Variants in DYNC1H1 observed in about 807,000 individuals in gnomAD.
DYNC1H1 encodes cytoplasmic dynein 1 heavy chain 1.
DYNC1H1 carries 51 observed loss-of-function variants against 527.1 expected under a neutral mutation model. The ratio of observed to expected loss-of-function variants is 0.10; its 90% confidence interval spans 0.08 to 0.12. The LOEUF (loss-of-function observed/expected upper bound fraction) is 0.12. DYNC1H1 is among the 10% of genes least tolerant of loss of function. DYNC1H1 has a pLI of 1.00. For synonymous variants in DYNC1H1, 2,189 were observed against 2,278.8 expected (o/e 0.96, Z 1.12); for missense variants, 2,771 against 5,971.8 (o/e 0.46, Z 17.66).
chr14:101,988,372 A>C (rs1435554540), intron 9 of DYNC1H1, among the ~76,000 whole-genome samples: 1 of 152,248 alleles, frequency 6.6e-6, no homozygotes, highest in Non-Finnish European at 1.5e-5. Flanking sequence ...GTATGTGTGC[A>C]TAAAGCACAC....
rs1275051800 is a variant in DYNC1H1, at chr14:101,994,759, T to C, written c.3243T>C (p.Ala1081=). 6.2e-7 allele frequency: 1 copy of C among 1,614,160 alleles called. No individual in the cohort carries two copies. The highest frequency in any genetic ancestry group is 1.7e-5 in the Admixed American group (1 of 60,026). ...GAGAAGATCTCAACAAATGGCAGGC[T>C]CTCCTGGTCCAAATAAGGAAGGCCA... The part of the protein sequence containing the change: ...RLGEDLNKWQ[A]LLVQIRKARG... Residue 1081 remains alanine (A), a synonymous_variant, in exon 13 of 78, where the codon GCT becomes GCC. Transcript: ENST00000360184.
chr14:102,028,015 T>A lies in DYNC1H1; in HGVS notation c.9342T>A (p.Asp3114Glu), dbSNP rs2152589319. ...GCAAAGAATTCACAAGTAAGATGGA[T>A]CTGGAGAAGCCAAATTACATCGTGC... Reference protein sequence around the residue: ...QVGKEFTSKMDLEKPNYIVPD... With the variant: ...QVGKEFTSKMELEKPNYIVPD... Residue 3114 changes from aspartate to glutamate, a missense_variant, in exon 48 of 78, where the codon GAT becomes GAA. Asp to Glu is a conservative substitution (Grantham distance 45). Transcript: ENST00000360184. 2 of 1,614,144 alleles carry A rather than the reference T, an allele frequency of 1.2e-6. No individual in the cohort carries two copies. Among genetic ancestry groups the A allele is most frequent in the Non-Finnish European group, 1.7e-6 (2 of 1,180,030 alleles).
intron 12 of DYNC1H1, 95 bp downstream of exon 12, chr14:101,994,419 A>G (rs779180545): frequency 1.8e-5 from 28 of 1,568,536 alleles, no homozygotes; most frequent in Admixed American, 3.4e-5. Context: ...AAAGGTCTTG[A>G]CTGTATGTAT....
chr14:102,041,821 T>C lies in DYNC1H1; in HGVS notation c.12102+87T>C. The C allele has an allele frequency of 6.3e-7, 1 of 1,598,138 alleles. No individual in the cohort carries two copies. Among genetic ancestry groups the C allele is most frequent in the Non-Finnish European group, 8.5e-7 (1 of 1,171,240 alleles). The stretch of plus-strand genomic sequence containing the variant: ...GTGGCAGCAGCCCTGGCATCTGCTC[T>C]CACTCCGGGCTACAGTCTCCTCCTA... On this transcript the variant is annotated intron_variant, in intron 65 of 77. Transcript: ENST00000360184. The surrounding 1 kb of genome is among the most constrained non-coding windows in gnomAD (Gnocchi z 4.5).
In DYNC1H1 at chr14:102,042,353, A is replaced by T. The variant is rs761633750; in HGVS notation, c.12276-31A>T. 2.9e-5 allele frequency: 47 copies of T among 1,614,060 alleles called. No individual in the cohort carries two copies. Among genetic ancestry groups the T allele is most frequent in the Non-Finnish European group, 3.5e-5 (41 of 1,180,042 alleles). The stretch of plus-strand genomic sequence containing the variant: ...CAGGCATTCAGGCAGGCAGCCTGGC[A>T]TGCTGTGTGACTCTCACTTTGTGTG... On this transcript the variant is annotated intron_variant, in intron 67 of 77. Transcript: ENST00000360184. The surrounding 1 kb of genome is among the most constrained non-coding windows in gnomAD (Gnocchi z 5.7).
rs1787220987 is a variant in DYNC1H1, at chr14:102,027,135, T to TTCTC, written c.8772-39_8772-38insTCTC. 16 of 1,596,764 alleles carry TTCTC rather than the reference T, an allele frequency of 1.0e-5. No individual in the cohort carries two copies. The highest frequency in any genetic ancestry group is 1.3e-5 in the African/African-American group (1 of 74,648). On this transcript the variant is annotated intron_variant, in intron 44 of 77. Coordinates refer to ENST00000360184, the MANE Select transcript of DYNC1H1 (RefSeq NM_001376.5). The surrounding 1 kb of genome is among the most constrained non-coding windows in gnomAD (Gnocchi z 7.7). Reference sequence around the variant, plus strand: ...ATGAGTCAAAAGGGGAATGAGGCATTATAAGCCTTAACATTGATCAGTTCT... The same window carrying TTCTC: ...ATGAGTCAAAAGGGGAATGAGGCATTTCTCATAAGCCTTAACATTGATCAGTTCT...
At chr14:102,031,505 GAT>G (rs756832823) in intron 51 of DYNC1H1, among the ~76,000 whole-genome samples, 3 of 152,312 alleles carry the variant, frequency 2.0e-5, no homozygotes, top group East Asian at 1.9e-4. Flanking sequence ...GAAGTACTAA[GAT>G]GTGTGAGCCA....
At position 102,016,757 on chromosome 14, in the gene DYNC1H1, C is replaced by T. The variant is rs371138028; in HGVS notation, c.7615-9C>T. The T allele has an allele frequency of 6.8e-6, 11 of 1,612,794 alleles. No homozygotes were observed. Among genetic ancestry groups the T allele is most frequent in the Middle Eastern group, 1.7e-4 (1 of 6,042 alleles). The stretch of plus-strand genomic sequence containing the variant: ...GCAGCCGGACTCACACTTCCATCTC[C>T]GTGTGTAGGTGTCCATCAGCGGAGA... On this transcript the variant is annotated splice_polypyrimidine_tract_variant and intron_variant, in intron 37 of 77. Coordinates refer to ENST00000360184, the MANE Select transcript of DYNC1H1 (RefSeq NM_001376.5). This position sits in a 1 kb window ranked among gnomAD's most constrained non-coding sequence, Gnocchi z 7.3.
intron 7 of DYNC1H1, among the ~76,000 whole-genome samples, chr14:101,984,210 G>A (rs2047901387): frequency 6.6e-6 from 1 of 150,596 alleles, no homozygotes; most frequent in African/African-American, 2.4e-5. Flanking sequence ...GGCTATTCTC[G>A]AACTCCTGAG....
In DYNC1H1 at chr14:102,012,613, A is replaced by C; in HGVS notation, c.7014+143A>C. The C allele has an allele frequency of 8.6e-7, 1 of 1,161,670 alleles. No individual in the cohort carries two copies. Among genetic ancestry groups the C allele is most frequent in the Non-Finnish European group, 1.3e-6 (1 of 788,650 alleles). The allele number at this position is 1,161,670 out of a possible 1,614,324, so 72.0% of individuals were successfully genotyped here. A position where few individuals can be genotyped will look rare whatever the true frequency, so the allele number is the denominator to read the frequency against. On this transcript the variant is annotated intron_variant, in intron 34 of 77. Transcript: ENST00000360184. The surrounding 1 kb of genome is among the most constrained non-coding windows in gnomAD (Gnocchi z 4.9). ...TGTGTAAGTAATTTTCAAAGATAGC[A>C]TCTCAACTGCTAGATTTTTTTTCCA...
chr14:101,966,425 T>C (rs61992464), intron 1 of DYNC1H1, among the ~76,000 whole-genome samples: 1 of 151,998 alleles, frequency 6.6e-6, no homozygotes, highest in Admixed American at 6.6e-5. Flanking sequence ...AAAAAAAATT[T>C]ATCTACTCTT....
chr14:102,049,391 G>C lies in DYNC1H1; in HGVS notation c.13373-49G>C. On this transcript the variant is annotated intron_variant, in intron 74 of 77. Coordinates refer to ENST00000360184, the MANE Select transcript of DYNC1H1 (RefSeq NM_001376.5). The surrounding 1 kb of genome is among the most constrained non-coding windows in gnomAD (Gnocchi z 5.5). ...TTGCACATTTGTTCCATCTGTGCTG[G>C]GGGAGTTGTGAGAGCTGACACCCTG... 1 of 1,612,192 alleles carries C rather than the reference G, an allele frequency of 6.2e-7. No homozygotes were observed. The highest frequency in any genetic ancestry group is 8.5e-7 in the Non-Finnish European group (1 of 1,179,966).
chr14:102,021,368 C>A (rs2048381854), intron 42 of DYNC1H1, among the ~76,000 whole-genome samples: 1 of 152,192 alleles, frequency 6.6e-6, no homozygotes, highest in Admixed American at 6.5e-5. Flanking sequence ...CAGAGCAAGA[C>A]CCTGTCTCCC....
In DYNC1H1 at chr14:102,016,101, G is replaced by A. The variant is rs2048318274; in HGVS notation, c.7473+15G>A. On this transcript the variant is annotated intron_variant, in intron 36 of 77. Transcript: ENST00000360184. This position sits in a 1 kb window ranked among gnomAD's most constrained non-coding sequence, Gnocchi z 7.3. ...GCTACATTCAGGTCAGGGGGCATCA[G>A]GGGCTTCACAGAGCTCACCACTGCG... 6.3e-7 allele frequency: 1 copy of A among 1,592,078 alleles called. No individual in the cohort carries two copies. Among genetic ancestry groups the A allele is most frequent in the African/African-American group, 1.3e-5 (1 of 74,316 alleles).
At chr14:102,000,924 C>G (rs774059924) in intron 18 of DYNC1H1, 30 bp from the exon 19 acceptor site, 1 of 1,581,112 alleles carries the variant, frequency 6.3e-7, no homozygotes, top group South Asian at 1.1e-5. Context: ...TGTTGGCAAG[C>G]TAAATAGCAT....
intron 18 of DYNC1H1, 174 bp downstream of exon 18, chr14:102,000,573 C>CCT: frequency 4.8e-6 from 2 of 419,862 alleles, no homozygotes; most frequent in East Asian, 1.1e-4. Context: ...ATTTTGAAAC[C>CCT]TTTTTTTTTT....
In DYNC1H1 at chr14:102,027,648, T is replaced by C; in HGVS notation, c.9078T>C (p.Tyr3026=). 1 of 1,614,150 alleles carries C rather than the reference T, an allele frequency of 6.2e-7. No individual in the cohort carries two copies. Among genetic ancestry groups the C allele is most frequent in the Non-Finnish European group, 8.5e-7 (1 of 1,180,026 alleles). ...EVPGLFEGDE[Y]ATLMTQCKEG... The stretch of plus-strand genomic sequence containing the variant: ...CTGGTCTCTTTGAAGGAGACGAGTA[T>C]GCCACCTTGATGACGCAGTGCAAAG... Residue 3026 remains tyrosine, a synonymous_variant, in exon 47 of 78, where the codon TAT becomes TAC. Coordinates refer to ENST00000360184, the MANE Select transcript of DYNC1H1 (RefSeq NM_001376.5). This position sits in a 1 kb window ranked among gnomAD's most constrained non-coding sequence, Gnocchi z 7.7.
At chr14:102,025,019 T>C (rs909092136) in intron 43 of DYNC1H1, among the ~76,000 whole-genome samples, 2 of 151,882 alleles carry the variant, frequency 1.3e-5, no homozygotes, top group African/African-American at 4.8e-5. Flanking sequence ...ATAAGGTCTT[T>C]TGAAGAACAA....
intron 11 of DYNC1H1, among the ~76,000 whole-genome samples, chr14:101,992,176 C>G (rs2048005859): frequency 6.6e-6 from 1 of 152,212 alleles, no homozygotes; most frequent in Non-Finnish European, 1.5e-5. Context: ...AGTGTCACTT[C>G]TGAACAGAAC....
Sources: gnomAD v4.1 joint callset for allele counts (sites outside exome capture counted in the v4.1 genomes callset) on GRCh38, gnomAD v4.1.1 for gene constraint, Gnocchi (gnomAD v3.1) non-coding constraint, MANE v1.5 for transcripts, NCBI Gene and HGNC (gene_info 2026-07-23, HGNC 2026-07-21) for gene names.